CNBD1: variants seen among roughly 807,000 people sequenced by gnomAD.
CNBD1 encodes cyclic nucleotide binding domain containing 1.
In CNBD1, 71 loss-of-function variants were observed where a neutral mutation model predicts 54.4. The observed-to-expected ratio is 1.30, with a 90% CI of 1.08 to 1.59. CNBD1 has a LOEUF of 1.59. CNBD1 is among the 40% of genes most tolerant of loss of function. CNBD1 has a pLI of 0.00. For synonymous variants in CNBD1, 182 were observed against 170.7 expected (o/e 1.07, Z -0.51); for missense variants, 659 against 518.0 (o/e 1.27, Z -2.64).
intron 4 of CNBD1, among the ~76,000 whole-genome samples, chr8:87,073,926 C>A (rs982062111): frequency 6.6e-6 from 1 of 151,854 alleles, no homozygotes; most frequent in Non-Finnish European, 1.5e-5. Context: ...ATGATGAAAC[C>A]CCGTCTCTAC....
chr8:87,025,892 A>G (rs965789500), intron 4 of CNBD1, among the ~76,000 whole-genome samples: 3 of 152,196 alleles, frequency 2.0e-5, no homozygotes, highest in Non-Finnish European at 4.4e-5. Flanking sequence ...GAACCAATTC[A>G]GGACACAGGA....
intron 4 of CNBD1, among the ~76,000 whole-genome samples, chr8:87,070,955 G>A (rs953007414): frequency 6.6e-6 from 1 of 151,868 alleles, no homozygotes; most frequent in African/African-American, 2.4e-5. Context: ...TGTGAAATGG[G>A]ATAGGATAAT....
chr8:87,057,377 C>T (rs973025519), intron 4 of CNBD1, among the ~76,000 whole-genome samples: 2 of 152,132 alleles, frequency 1.3e-5, no homozygotes, highest in Non-Finnish European at 2.9e-5. Context: ...AGAACTCCAT[C>T]AGTATCATGA....
chr8:87,078,511 T>C (rs1276497577), intron 4 of CNBD1, among the ~76,000 whole-genome samples: 1 of 152,216 alleles, frequency 6.6e-6, no homozygotes, highest in African/African-American at 2.4e-5. Context: ...TAATGTCTCC[T>C]CTACAAAAAT....
At chr8:87,228,618 G>A (rs1345346124) in intron 5 of CNBD1, among the ~76,000 whole-genome samples, 2 of 151,378 alleles carry the variant, frequency 1.3e-5, no homozygotes, top group African/African-American at 2.5e-5. Flanking sequence ...CCAGCTGCGT[G>A]CTGGGAGAAC....
intron 4 of CNBD1, among the ~76,000 whole-genome samples, chr8:86,960,652 G>A (rs1357448524): frequency 6.6e-6 from 1 of 152,188 alleles, no homozygotes; most frequent in Non-Finnish European, 1.5e-5. Flanking sequence ...TCCCAGCACG[G>A]AGCTGGAGAT....
chr8:87,417,657 G>A (rs1237522589), intron 2 of CNBD1, among the ~76,000 whole-genome samples: 1 of 151,824 alleles, frequency 6.6e-6, no homozygotes, highest in East Asian at 1.9e-4. Context: ...CAATATGCAT[G>A]ATCAATATAC....
At chr8:87,026,158 G>T (rs1809640546) in intron 4 of CNBD1, among the ~76,000 whole-genome samples, 1 of 152,064 alleles carries the variant, frequency 6.6e-6, no homozygotes, top group Admixed American at 6.6e-5. Flanking sequence ...CTTTTCAATA[G>T]CATACAAATC....
chr8:87,244,736 G>A (rs541991629), intron 6 of CNBD1, among the ~76,000 whole-genome samples: 8 of 152,082 alleles, frequency 5.3e-5, no homozygotes, highest in South Asian at 2.1e-4. Context: ...TCTCTAATGC[G>A]TAGTATAAGT....
intron 10 of CNBD1, among the ~76,000 whole-genome samples, chr8:87,356,914 G>T (rs1420818722): frequency 1.3e-5 from 2 of 152,118 alleles, no homozygotes; most frequent in Non-Finnish European, 2.9e-5. Flanking sequence ...CCAGGCTGAG[G>T]ATACTGCTGC....
chr8:87,324,376 T>A (rs1809619961), intron 8 of CNBD1, among the ~76,000 whole-genome samples: 1 of 127,276 alleles, frequency 7.9e-6, no homozygotes, highest in East Asian at 2.0e-4. Flanking sequence ...TCAGAAGGAA[T>A]GGTACCAGTT....
intron 5 of CNBD1, 117 bp downstream of exon 5, chr8:87,206,255 T>C (rs1813973628): frequency 1.3e-6 from 1 of 798,488 alleles, no homozygotes. Context: ...ATGGTAAAAA[T>C]GTACTATTTG....
chr8:87,419,148 C>T (rs1323050647), intron 2 of CNBD1, among the ~76,000 whole-genome samples: 2 of 151,906 alleles, frequency 1.3e-5, no homozygotes, highest in East Asian at 1.9e-4. Flanking sequence ...ATTTATGCTA[C>T]AAACAATAGA....
intron 1 of CNBD1, among the ~76,000 whole-genome samples, chr8:86,872,836 G>T (rs1485765469): frequency 6.6e-6 from 1 of 152,034 alleles, no homozygotes; most frequent in South Asian, 2.1e-4. Context: ...CTTATCATAG[G>T]TATAATTTGC....
At chr8:87,080,338 C>G (rs2130664208) in intron 4 of CNBD1, among the ~76,000 whole-genome samples, 1 of 152,108 alleles carries the variant, frequency 6.6e-6, no homozygotes, top group South Asian at 2.1e-4. Context: ...AATCCCAGCA[C>G]TTTGGGAGGC....
At chr8:87,035,608 G>T (rs1809915936) in intron 4 of CNBD1, among the ~76,000 whole-genome samples, 1 of 152,152 alleles carries the variant, frequency 6.6e-6, no homozygotes, top group South Asian at 2.1e-4. Context: ...TATTAATGCT[G>T]TCTTCTTTTT....
At chr8:87,409,171 C>A (rs1807699059) in intron 2 of CNBD1, among the ~76,000 whole-genome samples, 1 of 152,114 alleles carries the variant, frequency 6.6e-6, no homozygotes, top group African/African-American at 2.4e-5. Flanking sequence ...AGGAGAAGTT[C>A]TTGAAGAAAA....
chr8:86,880,867 C>T (rs1006478166), intron 1 of CNBD1, among the ~76,000 whole-genome samples: 1 of 152,174 alleles, frequency 6.6e-6, no homozygotes. Flanking sequence ...AAGGTTGGTT[C>T]AACATATGCA....
intron 3 of CNBD1, among the ~76,000 whole-genome samples, chr8:86,907,677 A>G (rs1809038616): frequency 6.6e-6 from 1 of 151,764 alleles, no homozygotes. Flanking sequence ...AAAAAAAAAC[A>G]AAAACAAAAA....
Sources: gnomAD v4.1 joint callset for allele counts (sites outside exome capture counted in the v4.1 genomes callset) on GRCh38, gnomAD v4.1.1 for gene constraint, MANE v1.5 for transcripts, NCBI Gene and HGNC (gene_info 2026-07-23, HGNC 2026-07-21) for gene names.